FGF2: variants seen among roughly 807,000 people sequenced by gnomAD.
The protein encoded by FGF2 is basic fibroblast growth factor bFGF.
FGF2 carries 13 observed loss-of-function variants against 15.9 expected under a neutral mutation model. That is an observed-to-expected ratio of 0.82 (90% CI 0.53 to 1.30). The LOEUF (loss-of-function observed/expected upper bound fraction) is 1.30. Among genes scored for constraint, FGF2 ranks in the 50% most tolerant of loss-of-function variants. The probability of loss-of-function intolerance (pLI) is 0.00; values close to 1 mark genes in which losing one functional copy is unlikely to be tolerated. For synonymous variants in FGF2, 90 were observed against 78.4 expected (o/e 1.15, Z -0.78); for missense variants, 163 against 196.9 (o/e 0.83, Z 1.03).
In FGF2 at chr4:122,830,593, T is replaced by C. The variant is rs543108095; in HGVS notation, c.178+3241T>C. Among the ~76,000 whole-genome samples the C allele has an allele frequency of 1.2e-4, 19 of 152,286 alleles. No homozygotes were observed. The South Asian group carries it at 3.7e-3, about 30-fold the overall frequency. On this transcript the variant is annotated intron_variant, in intron 1 of 2. Coordinates refer to ENST00000644866, the MANE Select transcript of FGF2 (RefSeq NM_001361665.2). ...TTCTCCAGCATGTGCGCTGCACTCC[T>C]GCCTTTCTTTTGGCATCCTTAACTT... is the stretch of plus-strand genomic sequence containing the variant.
intron 1 of FGF2, among the ~76,000 whole-genome samples, chr4:122,844,445 A>G (rs944996958): frequency 3.9e-5 from 6 of 152,134 alleles, no homozygotes; most frequent in East Asian, 3.8e-4. Flanking sequence ...TAGTGTTAAT[A>G]TTTTGACTTC....
rs138547181 is a variant in FGF2 at position 122,872,691 on chromosome 4, A to G, written c.179-3630A>G. Among the ~76,000 whole-genome samples the G allele has an allele frequency of 4.1e-3, 627 of 152,344 alleles. 1 individual carries two copies. The highest frequency in any genetic ancestry group is 0.014 in the African/African-American group (593 of 41,576). ...CAGCAGACCTCTCAGCAGAAACTCT[A>G]TAAGCCAGAAGAGATTGGGGGCCAA... On this transcript the variant is annotated intron_variant, in intron 1 of 2. Coordinates refer to ENST00000644866, the MANE Select transcript of FGF2 (RefSeq NM_001361665.2).
intron 1 of FGF2, among the ~76,000 whole-genome samples, chr4:122,847,598 G>A (rs886261177): frequency 7.4e-6 from 1 of 134,666 alleles, no homozygotes; most frequent in Admixed American, 7.6e-5. Context: ...ATGAATAGGA[G>A]ATCACTCTAT....
At chr4:122,880,212 A>G (rs547633744) in intron 2 of FGF2, among the ~76,000 whole-genome samples, 3 of 151,266 alleles carry the variant, frequency 2.0e-5, no homozygotes, top group Admixed American at 1.3e-4. Context: ...TACAGGCCCT[A>G]TGCAAGTCTG....
chr4:122,868,690 C>T (rs1330476087), intron 1 of FGF2, among the ~76,000 whole-genome samples: 6 of 152,128 alleles, frequency 3.9e-5, no homozygotes, highest in East Asian at 1.9e-4. Context: ...CTTGAATTGC[C>T]GCACTGTCTT....
intron 1 of FGF2, among the ~76,000 whole-genome samples, chr4:122,852,112 AAC>A (rs1726244282): frequency 6.6e-6 from 1 of 152,158 alleles, no homozygotes; most frequent in South Asian, 2.1e-4. Flanking sequence ...CTGTGTAACA[AAC>A]ATCTCAAAGC....
At chr4:122,847,256 C>T (rs1457211605) in intron 1 of FGF2, among the ~76,000 whole-genome samples, 2 of 152,176 alleles carry the variant, frequency 1.3e-5, no homozygotes, top group African/African-American at 4.8e-5. Flanking sequence ...TAACCGTATT[C>T]TTTGGGAATG....
chr4:122,866,064 GACA>G (rs972808715), intron 1 of FGF2, among the ~76,000 whole-genome samples: 5 of 152,082 alleles, frequency 3.3e-5, no homozygotes, highest in Non-Finnish European at 5.9e-5. Flanking sequence ...TGCTTCAAAG[GACA>G]ACATCAAGAA....
chr4:122,856,605 T>C (rs1451931008), intron 1 of FGF2, among the ~76,000 whole-genome samples: 1 of 152,242 alleles, frequency 6.6e-6, no homozygotes, highest in South Asian at 2.1e-4. Flanking sequence ...TTTGAACTAG[T>C]TGGCTGGTAT....
At chr4:122,851,058 C>A (rs1041382653) in intron 1 of FGF2, among the ~76,000 whole-genome samples, 1 of 152,174 alleles carries the variant, frequency 6.6e-6, no homozygotes, top group Non-Finnish European at 1.5e-5. Context: ...CCTGCTCCCC[C>A]ATCCTTGCAT....
intron 1 of FGF2, among the ~76,000 whole-genome samples, chr4:122,860,447 C>CTTTTTTTTTTTTTTT (rs34541038): frequency 1.1e-5 from 1 of 90,918 alleles, no homozygotes; most frequent in East Asian, 4.0e-4. Context: ...CTAAGGTTAA[C>CTTTTTTTTTTTTTTT]TTTTTTTTTT....
chr4:122,897,512 G>A lies in FGF2; in HGVS notation c.*5116G>A, dbSNP rs1727398938. ...GTAATTTCTGAAATGTTCAGACTCA[G>A]TCGGAACAAATTGGAAAATTTAAAT... On this transcript the variant is annotated 3_prime_UTR_variant, in exon 3 of 3. Coordinates refer to ENST00000644866, the MANE Select transcript of FGF2 (RefSeq NM_001361665.2). 3.9e-6 allele frequency: 3 copies of A among 769,752 alleles called. No individual in the cohort carries two copies. The highest frequency in any genetic ancestry group is 6.8e-6 in the Non-Finnish European group (3 of 440,570). The allele number at this position is 769,752 out of a possible 1,614,324, so 47.7% of individuals were successfully genotyped here.
chr4:122,827,464 C>G lies in FGF2; in HGVS notation c.178+112C>G, dbSNP rs984173741. The G allele has an allele frequency of 2.4e-6, 3 of 1,258,310 alleles. No individual in the cohort carries two copies. The highest frequency in any genetic ancestry group is 3.4e-6 in the Non-Finnish European group (3 of 882,770). The allele number at this position is 1,258,310 out of a possible 1,614,324, so 77.9% of individuals were successfully genotyped here. On this transcript the variant is annotated intron_variant, in intron 1 of 2. Transcript: ENST00000644866. This position sits in a 1 kb window ranked among gnomAD's most constrained non-coding sequence, Gnocchi z 4.2. ...GATCTTCACTGCGACCCTAGCGCTCCGTGTGGTTTCTGGCCGCGCGGCCCT... is the reference window on the plus strand; with the variant it reads ...GATCTTCACTGCGACCCTAGCGCTCGGTGTGGTTTCTGGCCGCGCGGCCCT...
chr4:122,846,926 G>A (rs1225885840), intron 1 of FGF2, among the ~76,000 whole-genome samples: 2 of 152,168 alleles, frequency 1.3e-5, no homozygotes, highest in Admixed American at 6.5e-5. Flanking sequence ...TCAGTCACAC[G>A]ATGGATGCAC....
At chr4:122,841,162 G>T (rs914985499) in intron 1 of FGF2, among the ~76,000 whole-genome samples, 2 of 152,172 alleles carry the variant, frequency 1.3e-5, no homozygotes, top group South Asian at 2.1e-4. Context: ...AGAGTTTTTC[G>T]TATTTAGGAT....
chr4:122,873,432 G>C (rs561174537), intron 1 of FGF2, among the ~76,000 whole-genome samples: 1 of 152,374 alleles, frequency 6.6e-6, no homozygotes, highest in African/African-American at 2.4e-5. Context: ...CTATGGGAAA[G>C]AACTGGCAGG....
intron 2 of FGF2, among the ~76,000 whole-genome samples, chr4:122,885,508 A>C (rs1218099866): frequency 6.6e-6 from 1 of 152,198 alleles, no homozygotes; most frequent in Non-Finnish European, 1.5e-5. Context: ...TTGTGATGGT[A>C]CTTGTAGCCC....
chr4:122,891,883 A>G (rs571040587), intron 2 of FGF2, among the ~76,000 whole-genome samples: 2 of 152,216 alleles, frequency 1.3e-5, no homozygotes, highest in South Asian at 4.2e-4. Context: ...CCCATAGCAT[A>G]TTTCTTCTTA....
At position 122,839,645 on chromosome 4, in the gene FGF2, A is replaced by G. The variant is rs532123212; in HGVS notation, c.178+12293A>G. Among the ~76,000 whole-genome samples, 10 of 152,232 alleles carry G rather than the reference A, an allele frequency of 6.6e-5. No individual in the cohort carries two copies. In the East Asian group the frequency reaches 1.9e-3, roughly 29 times the overall value. On this transcript the variant is annotated intron_variant, in intron 1 of 2. Coordinates refer to ENST00000644866, the MANE Select transcript of FGF2 (RefSeq NM_001361665.2). ...GGCCCAGGTGTTAGAGTGAATTTCT[A>G]CTATGTCGTTTTCCCCACTCCTCAC...
Sources: gnomAD v4.1 joint callset for allele counts (sites outside exome capture counted in the v4.1 genomes callset) on GRCh38, gnomAD v4.1.1 for gene constraint, Gnocchi (gnomAD v3.1) non-coding constraint, MANE v1.5 for transcripts, NCBI Gene and HGNC (gene_info 2026-07-23, HGNC 2026-07-21) for gene names.